The following RBM6 variants were observed in gnomAD, a reference collection of about 807,000 sequenced individuals.
The protein encoded by RBM6 is RNA binding motif protein 6, also known as RNA-binding protein 6.
RBM6 carries 23 observed loss-of-function variants against 140.4 expected under a neutral mutation model. That is an observed-to-expected ratio of 0.16 (90% CI 0.12 to 0.23). The LOEUF (loss-of-function observed/expected upper bound fraction) is 0.23, where lower values mean the gene tolerates loss of function less well. Among genes scored for constraint, RBM6 ranks in the 10% least tolerant of loss-of-function variants. The pLI, the probability that RBM6 is intolerant of heterozygous loss-of-function variation, is 1.00. For missense variants in RBM6, 1,139 were observed against 1,386.7 expected, an observed-to-expected ratio of 0.82 and a Z score of 2.84; for synonymous variants, 439 against 475.6, an observed-to-expected ratio of 0.92 and a Z score of 1.00.
At chr3:49,941,912 G>A (rs942122329) in intron 1 of RBM6, among the ~76,000 whole-genome samples, 1 of 147,678 alleles carries the variant, frequency 6.8e-6, no homozygotes, top group Admixed American at 6.7e-5. Context: ...GGGCAACATC[G>A]CAAAACCCTG....
intron 6 of RBM6, among the ~76,000 whole-genome samples, chr3:50,013,071 T>A (rs1469574169): frequency 6.6e-6 from 1 of 152,154 alleles, no homozygotes; most frequent in Non-Finnish European, 1.5e-5. Context: ...CACATTTGAA[T>A]GCAGATTTTT....
rs776350260 is a variant in RBM6, at chr3:50,077,017, C to T, written c.3256C>T (p.Arg1086Trp). 41 of 1,610,472 alleles carry T rather than the reference C, an allele frequency of 2.5e-5. No homozygotes were observed. The highest frequency in any genetic ancestry group is 2.0e-4 in the Middle Eastern group (1 of 5,118). ...GLASSEEAEG[R>W]MRGPSVGASG... Reference sequence around the variant, plus strand: ...TGTCTTTGTTTTACAGGCTGAAGGCCGGATGAGGGGCCCCAGTGTTGGAGC... The same window carrying T: ...TGTCTTTGTTTTACAGGCTGAAGGCTGGATGAGGGGCCCCAGTGTTGGAGC... Residue 1086 changes from arginine (R) to tryptophan (W), a missense_variant, in exon 21 of 21, where the codon CGG (arginine) becomes TGG (tryptophan). Arg to Trp is a moderately radical substitution (Grantham distance 101). Transcript: ENST00000266022.
rs1223689863 is a variant in RBM6, at chr3:50,021,981, T to G, written c.1557+22468T>G. On this transcript the variant is annotated intron_variant, in intron 6 of 20. Coordinates refer to ENST00000266022, the MANE Select transcript of RBM6 (RefSeq NM_005777.3). ...AGGAGAATCGCTTGAGCCCGGGAGG[T>G]CAAGGCTGCAGTGACTGACCCATGA... Among the ~76,000 whole-genome samples, 3 of 150,914 alleles carry G rather than the reference T, an allele frequency of 2.0e-5. No individual in the cohort carries two copies. In the East Asian group the frequency reaches 6.0e-4, roughly 30 times the overall value.
Position 49,962,768 on chromosome 3 carries a change from A to G in RBM6, c.44+83A>G, listed in dbSNP as rs2084340436. On this transcript the variant is annotated intron_variant, in intron 2 of 20. Transcript: ENST00000266022. ...ATTTTCGCCTACTATAAATGAAGAT[A>G]TTTTCTCTGTGGAGAAATAGTTTCT... 4 of 1,301,402 alleles carry G rather than the reference A, an allele frequency of 3.1e-6. No individual in the cohort carries two copies. In the South Asian group the frequency reaches 4.2e-5, roughly 14 times the overall value. 80.6% of individuals were successfully genotyped at this position (1,301,402 alleles called of 1,614,324 possible).
intron 19 of RBM6, among the ~76,000 whole-genome samples, chr3:50,072,858 C>G (rs535369073): frequency 6.6e-6 from 1 of 152,138 alleles, no homozygotes. Flanking sequence ...AGGTGGGGTG[C>G]GGAAAGAGAC....
chr3:50,062,008 A>G lies in RBM6; in HGVS notation c.2486A>G (p.Glu829Gly). 1.2e-6 allele frequency: 2 copies of G among 1,614,056 alleles called. No homozygotes were observed. Among genetic ancestry groups the G allele is most frequent in the Non-Finnish European group, 1.7e-6 (2 of 1,179,976 alleles). ...PQDPGLPEEEEIKEKKPTSQG... is the reference protein window; with the variant it reads ...PQDPGLPEEEGIKEKKPTSQG... Reference sequence around the variant, plus strand: ...GATCCTGGATTACCTGAGGAAGAAGAGATCAAGGAAAAAAAACCCACCAGT... The same window carrying G: ...GATCCTGGATTACCTGAGGAAGAAGGGATCAAGGAAAAAAAACCCACCAGT... The change falls in exon 15 of 21, where the codon GAG (glutamate) becomes GGG (glycine). Residue 829 changes from glutamate (E) to glycine (G), a missense_variant. Transcript: ENST00000266022.
chr3:50,053,852 A>C (rs2089587086), intron 7 of RBM6, among the ~76,000 whole-genome samples: 1 of 152,210 alleles, frequency 6.6e-6, no homozygotes, highest in South Asian at 2.1e-4. Context: ...AATGTCTTTT[A>C]GATAGCTGCC....
At chr3:49,961,796 C>CT (rs893169756) in intron 1 of RBM6, among the ~76,000 whole-genome samples, 1 of 141,934 alleles carries the variant, frequency 7.0e-6, no homozygotes, top group Non-Finnish European at 1.5e-5. Context: ...GAGATTCTGT[C>CT]TTTAAAAAAA....
At chr3:49,977,214 T>C (rs1003847329) in intron 5 of RBM6, among the ~76,000 whole-genome samples, 1 of 152,224 alleles carries the variant, frequency 6.6e-6, no homozygotes, top group African/African-American at 2.4e-5. Flanking sequence ...TATTTTGCTG[T>C]AGCCACACTG....
chr3:50,066,703 CT>C (rs920724582), intron 17 of RBM6, among the ~76,000 whole-genome samples: 2 of 152,122 alleles, frequency 1.3e-5, no homozygotes, highest in African/African-American at 2.4e-5. Context: ...TGTTGTGTGC[CT>C]GTAGTCCCAG....
chr3:49,994,638 A>G (rs1170332953), intron 5 of RBM6, among the ~76,000 whole-genome samples: 1 of 151,482 alleles, frequency 6.6e-6, no homozygotes, highest in Non-Finnish European at 1.5e-5. Context: ...TCACAAAAAT[A>G]ATACTTTTTG....
chr3:49,943,432 C>CT (rs1304146374), intron 1 of RBM6, among the ~76,000 whole-genome samples: 1 of 152,046 alleles, frequency 6.6e-6, no homozygotes, highest in Non-Finnish European at 1.5e-5. Context: ...TCCTGAGTAG[C>CT]TGGGACTACA....
chr3:50,000,483 C>T (rs2086275010), intron 6 of RBM6, among the ~76,000 whole-genome samples: 1 of 148,946 alleles, frequency 6.7e-6, no homozygotes, highest in Non-Finnish European at 1.5e-5. Context: ...TGCAATGGTG[C>T]GATCTCGGCT....
chr3:50,042,754 A>T (rs181984632), intron 6 of RBM6, among the ~76,000 whole-genome samples: 4,036 of 148,842 alleles, frequency 0.027, 76 homozygotes, highest in South Asian at 0.068. Flanking sequence ...TCTTTTTTTT[A>T]AAAAAAAAAG....
intron 6 of RBM6, among the ~76,000 whole-genome samples, chr3:50,000,548 G>A (rs1198018223): frequency 6.6e-6 from 1 of 151,698 alleles, no homozygotes; most frequent in East Asian, 1.9e-4. Flanking sequence ...AGCCCCCTGA[G>A]TAGCTGGGAT....
chr3:50,017,433 C>T (rs1307549005), intron 6 of RBM6, among the ~76,000 whole-genome samples: 1 of 151,814 alleles, frequency 6.6e-6, no homozygotes. Flanking sequence ...TGGTGGGCGC[C>T]TGAAGTCCCA....
intron 1 of RBM6, among the ~76,000 whole-genome samples, chr3:49,950,835 A>G (rs1421694306): frequency 6.6e-6 from 1 of 152,116 alleles, no homozygotes; most frequent in African/African-American, 2.4e-5. Flanking sequence ...TTCTGGATAT[A>G]TATCCAAAAT....
At chr3:49,965,372 C>T (rs1270580878) in intron 2 of RBM6, among the ~76,000 whole-genome samples, 1 of 152,112 alleles carries the variant, frequency 6.6e-6, no homozygotes, top group Non-Finnish European at 1.5e-5. Context: ...ATTGTATTGC[C>T]TAAGAAGAAC....
rs745737800 is a variant in RBM6 at position 50,068,647 on chromosome 3, T to C, written c.2944-43T>C. 4.4e-6 allele frequency: 7 copies of C among 1,577,046 alleles called. 1 individual carries two copies. Among genetic ancestry groups the C allele is most frequent in the Non-Finnish European group, 3.5e-6 (4 of 1,146,960 alleles). The stretch of plus-strand genomic sequence containing the variant: ...AGGCCTAGAAGCATCTCTAGGACCA[T>C]TGTTTCTTAGACCTATACTCATAGA... On this transcript the variant is annotated intron_variant, in intron 17 of 20. Transcript: ENST00000266022.
Sources: gnomAD v4.1 joint callset for allele counts (sites outside exome capture counted in the v4.1 genomes callset) on GRCh38, gnomAD v4.1.1 for gene constraint, MANE v1.5 for transcripts, NCBI Gene and HGNC (gene_info 2026-07-23, HGNC 2026-07-21) for gene names.